Variants in PTPRG observed in about 807,000 individuals in gnomAD.
PTPRG encodes the protein protein tyrosine phosphatase receptor type G.
PTPRG carries 102 observed loss-of-function variants against 165.3 expected under a neutral mutation model. The observed-to-expected ratio is 0.62, with a 90% CI of 0.53 to 0.73. PTPRG has a LOEUF of 0.73. Among genes scored for constraint, PTPRG ranks in the 30% least tolerant of loss-of-function variants. The pLI, the probability that PTPRG is intolerant of heterozygous loss-of-function variation, is 0.00. For missense variants in PTPRG, 1,866 were observed against 1,861.4 expected (o/e 1.00, Z -0.05); for synonymous variants, 675 against 669.5 (o/e 1.01, Z -0.13).
intron 1 of PTPRG, among the ~76,000 whole-genome samples, chr3:61,672,867 T>A (rs1703081861): frequency 6.6e-6 from 1 of 151,054 alleles, no homozygotes; most frequent in Non-Finnish European, 1.5e-5. Flanking sequence ...TTTTGGAGTC[T>A]AAAAGTTGGG....
In PTPRG at chr3:62,295,739, C is replaced by T. The variant is rs922080102; in HGVS notation, c.*2432C>T. The T allele has an allele frequency of 2.6e-5, 4 of 152,094 alleles. No homozygotes were observed. Among genetic ancestry groups the T allele is most frequent in the Non-Finnish European group, 5.9e-5 (4 of 68,004 alleles). The allele number at this position is 152,094 out of a possible 1,614,324, so 9.4% of individuals were successfully genotyped here. ...TTATAAGCAATTGCTACTTGCCCAT[C>T]TTGCCAAAGTAGTCCAAACACACTT... On this transcript the variant is annotated 3_prime_UTR_variant, in exon 30 of 30. Transcript: ENST00000474889.
At chr3:61,684,575 T>A (rs1020020185) in intron 1 of PTPRG, among the ~76,000 whole-genome samples, 1 of 152,094 alleles carries the variant, frequency 6.6e-6, no homozygotes. Flanking sequence ...CCAGTGTGGT[T>A]GTTACTGTGG....
intron 2 of PTPRG, among the ~76,000 whole-genome samples, chr3:61,862,798 T>C (rs906010114): frequency 2.0e-5 from 3 of 151,906 alleles, no homozygotes; most frequent in Non-Finnish European, 2.9e-5. Flanking sequence ...GGGAGTTCTC[T>C]CTTGTTTTCT....
chr3:62,088,675 A>AG (rs2106788253), intron 5 of PTPRG, among the ~76,000 whole-genome samples: 1 of 152,374 alleles, frequency 6.6e-6, no homozygotes, highest in Admixed American at 6.5e-5. Context: ...AAGTAAACAG[A>AG]GGTAAGAAGG....
In PTPRG at chr3:62,195,003, T is replaced by A. The variant is rs1559632770; in HGVS notation, c.1219-59T>A. The A allele has an allele frequency of 2.0e-6, 3 of 1,526,620 alleles. No homozygotes were observed. Among genetic ancestry groups the A allele is most frequent in the Middle Eastern group, 1.7e-4 (1 of 5,938 alleles). The allele number at this position is 1,526,620 out of a possible 1,614,324, so 94.6% of individuals were successfully genotyped here. On this transcript the variant is annotated intron_variant, in intron 9 of 29. Transcript: ENST00000474889. This position sits in a 1 kb window ranked among gnomAD's most constrained non-coding sequence, Gnocchi z 4.4. ...ACGGCACTCAGGTTTGGCTTTAGAATGCAAAGTGTGCCTTGGCCTTCAAAA... is the reference window on the plus strand; with the variant it reads ...ACGGCACTCAGGTTTGGCTTTAGAAAGCAAAGTGTGCCTTGGCCTTCAAAA...
chr3:61,661,075 T>TAA (rs1559545092), intron 1 of PTPRG, among the ~76,000 whole-genome samples: 3 of 149,548 alleles, frequency 2.0e-5, no homozygotes, highest in African/African-American at 4.9e-5. Flanking sequence ...ATTAAAAATT[T>TAA]TTTTTTTTTC....
At chr3:61,686,575 G>A (rs1243228799) in intron 1 of PTPRG, among the ~76,000 whole-genome samples, 2 of 152,180 alleles carry the variant, frequency 1.3e-5, no homozygotes, top group African/African-American at 4.8e-5. Flanking sequence ...TGGCCACAGT[G>A]CAAAATGACT....
intron 7 of PTPRG, among the ~76,000 whole-genome samples, chr3:62,160,871 T>A (rs1443765576): frequency 2.5e-5 from 3 of 119,424 alleles, no homozygotes; most frequent in African/African-American, 9.6e-5. Flanking sequence ...GTGATTTTTT[T>A]TTTTTTTTTT....
intron 15 of PTPRG, among the ~76,000 whole-genome samples, chr3:62,246,559 T>C (rs946274846): frequency 6.6e-6 from 1 of 152,188 alleles, no homozygotes. Flanking sequence ...TCTTTAGTTA[T>C]AGCAGTACAA....
rs913354248 is a variant in PTPRG, at chr3:61,875,062, C to T, written c.191-114563C>T. ...TCTCACTCTTCTCTTTCCTCTGCCG[C>T]GAGCTCTTATCTAAAGAAGGGAGAT... On this transcript the variant is annotated intron_variant, in intron 2 of 29. Transcript: ENST00000474889. Among the ~76,000 whole-genome samples, 8 of 152,176 alleles carry T rather than the reference C, an allele frequency of 5.3e-5. No individual in the cohort carries two copies. In the South Asian group the frequency reaches 1.4e-3, roughly 28 times the overall value.
At chr3:61,905,494 T>C (rs1264427205) in intron 2 of PTPRG, among the ~76,000 whole-genome samples, 1 of 152,232 alleles carries the variant, frequency 6.6e-6, no homozygotes, top group Non-Finnish European at 1.5e-5. Context: ...TATTGAACTT[T>C]TCATTTTCTC....
intron 5 of PTPRG, among the ~76,000 whole-genome samples, chr3:62,091,714 G>A (rs1255880513): frequency 1.3e-5 from 2 of 152,106 alleles, no homozygotes; most frequent in African/African-American, 2.4e-5. Context: ...TGTGATCGTT[G>A]GAGATTTTAG....
At position 62,273,039 on chromosome 3, in the gene PTPRG, G is replaced by A. The variant is rs1324418037; in HGVS notation, c.3276G>A (p.Leu1092=). 1 of 1,613,784 alleles carries A rather than the reference G, an allele frequency of 6.2e-7. No individual in the cohort carries two copies. Among genetic ancestry groups the A allele is most frequent in the Non-Finnish European group, 8.5e-7 (1 of 1,179,806 alleles). Residue 1092 remains leucine, a synonymous_variant, in exon 22 of 30, where the codon CTG becomes CTA. Transcript: ENST00000474889. This position sits in a 1 kb window ranked among gnomAD's most constrained non-coding sequence, Gnocchi z 4.1. ...DKSTVNVLGF[L]KHIRTQRNYL... ...GCACAGTTAACGTCCTGGGATTCCTGAAGCATATCAGGACACAGCGTAACT... is the reference window on the plus strand; with the variant it reads ...GCACAGTTAACGTCCTGGGATTCCTAAAGCATATCAGGACACAGCGTAACT...
chr3:62,165,679 A>G (rs148494811), intron 7 of PTPRG, among the ~76,000 whole-genome samples: 4 of 152,308 alleles, frequency 2.6e-5, no homozygotes, highest in African/African-American at 4.8e-5. Flanking sequence ...TCCTGGTTCT[A>G]TGTAAAAGGC....
Position 61,943,159 on chromosome 3 carries a change from A to G in PTPRG, c.191-46466A>G, listed in dbSNP as rs1385005157. 2.6e-5 allele frequency among the ~76,000 whole-genome samples: 4 copies of G among 152,238 alleles called. No homozygotes were observed. In the South Asian group the frequency reaches 6.2e-4, roughly 24 times the overall value. On this transcript the variant is annotated intron_variant, in intron 2 of 29. Transcript: ENST00000474889. ...ACAGAAAAATCCTTACGTGAAAAAC[A>G]GATACAGATTCTTGTAGTAGGAAGG...
At chr3:61,814,698 A>G (rs2035702251) in intron 2 of PTPRG, among the ~76,000 whole-genome samples, 1 of 151,312 alleles carries the variant, frequency 6.6e-6, no homozygotes, top group Admixed American at 6.6e-5. Flanking sequence ...CTGTATAAAA[A>G]CTTGTGTGCC....
chr3:61,999,041 G>A (rs2041107831), intron 3 of PTPRG, among the ~76,000 whole-genome samples: 1 of 152,052 alleles, frequency 6.6e-6, no homozygotes. Context: ...CAGCTGGCTG[G>A]AGGCCTCTTT....
intron 2 of PTPRG, among the ~76,000 whole-genome samples, chr3:61,873,372 T>C (rs550044116): frequency 6.6e-5 from 10 of 152,296 alleles, no homozygotes; most frequent in African/African-American, 2.4e-4. Context: ...TCATAAGATG[T>C]CATATCTTAA....
intron 1 of PTPRG, among the ~76,000 whole-genome samples, chr3:61,696,249 C>G (rs1217263418): frequency 2.0e-5 from 3 of 152,168 alleles, no homozygotes; most frequent in Non-Finnish European, 4.4e-5. Context: ...CGCCTATAAT[C>G]CTAGCACTGT....
Sources: gnomAD v4.1 joint callset for allele counts (sites outside exome capture counted in the v4.1 genomes callset) on GRCh38, gnomAD v4.1.1 for gene constraint, Gnocchi (gnomAD v3.1) non-coding constraint, MANE v1.5 for transcripts, NCBI Gene and HGNC (gene_info 2026-07-23, HGNC 2026-07-21) for gene names.